PLEKHA5: variants seen among roughly 807,000 people sequenced by gnomAD.
PLEKHA5 encodes pleckstrin homology domain-containing family A member 5.
Under a neutral mutation model 181.9 loss-of-function variants are expected in PLEKHA5, and 55 were observed. The observed-to-expected ratio is 0.30, with a 90% CI of 0.24 to 0.38. The LOEUF (loss-of-function observed/expected upper bound fraction) is 0.38, where lower values mean the gene tolerates loss of function less well. Ranked by LOEUF, PLEKHA5 falls within the 10% of genes least tolerant of loss-of-function variation. PLEKHA5 has a pLI of 1.00. For synonymous variants in PLEKHA5, 535 were observed against 529.4 expected (o/e 1.01, Z -0.15); for missense variants, 1,432 against 1,549.5 (o/e 0.92, Z 1.27).
intron 3 of PLEKHA5, among the ~76,000 whole-genome samples, chr12:19,166,158 C>G (rs2044317862): frequency 6.6e-6 from 1 of 151,934 alleles, no homozygotes. Flanking sequence ...TTTCAATAAA[C>G]TGTGTGTGGG....
intron 17 of PLEKHA5, 98 bp downstream of exon 17, chr12:19,320,154 A>G: frequency 2.1e-6 from 1 of 467,056 alleles, no homozygotes; most frequent in Non-Finnish European, 3.7e-6. Flanking sequence ...GTGTGTGTTT[A>G]TGTATATACC....
rs559796154 is a variant in PLEKHA5, at chr12:19,359,469, C to G, written c.3406C>G (p.Pro1136Ala). Residue 1136 changes from proline (P) to alanine (A), a missense_variant, in exon 28 of 32, where the codon CCA (proline) becomes GCA (alanine). By Grantham distance (27) the Pro-to-Ala change is conservative (BLOSUM62 -1). Transcript: ENST00000429027. ...DTAIRENDVK[P>A]DHETPATEIV... ...TGCCATTAGAGAAAATGATGTAAAG[C>G]CAGACCATGAAACTCCTGCAACAGA... is the stretch of plus-strand genomic sequence containing the variant. 473 of 1,613,292 alleles carry G rather than the reference C, an allele frequency of 2.9e-4. 4 individuals carry two copies. In the Middle Eastern group the frequency reaches 4.1e-3, roughly 14 times the overall value.
At chr12:19,184,065 A>G (rs1345559871) in intron 3 of PLEKHA5, among the ~76,000 whole-genome samples, 1 of 152,172 alleles carries the variant, frequency 6.6e-6, no homozygotes, top group African/African-American at 2.4e-5. Flanking sequence ...TCTGGTGCCT[A>G]TGGATGGACT....
intron 10 of PLEKHA5, 51 bp from the exon 11 acceptor site, chr12:19,274,465 A>G (rs1474564013): frequency 1.6e-6 from 2 of 1,261,252 alleles, no homozygotes; most frequent in African/African-American, 1.5e-5. Context: ...CCCAGAAGTA[A>G]TATGTACATT....
At chr12:19,306,982 G>A (rs2084051414) in intron 15 of PLEKHA5, 3 of 1,438,964 alleles carry the variant, frequency 2.1e-6, no homozygotes, top group Admixed American at 1.7e-5. Context: ...TCAGACTGGC[G>A]CTGTTCCACC....
intron 3 of PLEKHA5, among the ~76,000 whole-genome samples, chr12:19,198,252 C>T (rs945139397): frequency 2.6e-5 from 4 of 152,100 alleles, no homozygotes; most frequent in African/African-American, 9.7e-5. Flanking sequence ...TAAGTCTAAC[C>T]CTAGTTGACT....
In PLEKHA5 at chr12:19,164,891, T is replaced by C. The variant is rs559231929; in HGVS notation, c.227+32441T>C. Among the ~76,000 whole-genome samples the C allele has an allele frequency of 5.9e-5, 9 of 152,304 alleles. No homozygotes were observed. The East Asian group carries it at 1.2e-3, about 20-fold the overall frequency. On this transcript the variant is annotated intron_variant, in intron 3 of 31. Transcript: ENST00000429027. ...TCTACTTGCGGATGTCACAGACTTA[T>C]CAATTGAAGATATTCCAAAGTAAAC...
chr12:19,283,572 A>G lies in PLEKHA5; in HGVS notation c.1606A>G (p.Met536Val), dbSNP rs370267036. The G allele has an allele frequency of 1.3e-5, 21 of 1,614,020 alleles. No homozygotes were observed. Among genetic ancestry groups the G allele is most frequent in the Non-Finnish European group, 1.7e-5 (20 of 1,180,028 alleles). Reference sequence around the variant, plus strand: ...CAGTACTTTGAGTAGTCCCAAAACCATGGTAAATATTTCTGACCAGACAAT... The same window carrying G: ...CAGTACTTTGAGTAGTCCCAAAACCGTGGTAAATATTTCTGACCAGACAAT... ...RHSTLSSPKT[M>V]VNISDQTMHS... The change falls in exon 12 of 32, where the codon ATG becomes GTG. Residue 536 changes from methionine to valine, a missense_variant. By Grantham distance (21) the Met-to-Val change is conservative. Transcript: ENST00000429027.
intron 3 of PLEKHA5, among the ~76,000 whole-genome samples, chr12:19,231,620 A>ATATATG (rs2060631713): frequency 8.2e-5 from 12 of 146,920 alleles, no homozygotes; most frequent in East Asian, 3.9e-4. Context: ...ATAAATACTC[A>ATATATG]TAAAGCTTGA....
In PLEKHA5 at chr12:19,322,377, TCCACAAGGAGAAA is replaced by T. The variant is rs2091084123; in HGVS notation, c.2286_2298del (p.His763ThrfsTer14). 1 of 1,611,114 alleles carries T rather than the reference TCCACAAGGAGAAA, an allele frequency of 6.2e-7. No individual in the cohort carries two copies. Among genetic ancestry groups the T allele is most frequent in the Non-Finnish European group, 8.5e-7 (1 of 1,177,464 alleles). Reference sequence around the variant, plus strand: ...GCTCTGGAAGAGAAACTTCAGCAACTCCACAAGGAGAAAGTAGGACAATTATGTTTATTGTCTA... The same window carrying T: ...GCTCTGGAAGAGAAACTTCAGCAACTGTAGGACAATTATGTTTATTGTCTA... On this transcript the variant is annotated frameshift_variant and splice_region_variant, in exon 19 of 32. Transcript: ENST00000429027. LOFTEE classifies it high-confidence loss of function.
intron 3 of PLEKHA5, among the ~76,000 whole-genome samples, chr12:19,246,225 G>T (rs1042417119): frequency 6.6e-6 from 1 of 151,600 alleles, no homozygotes; most frequent in Non-Finnish European, 1.5e-5. Context: ...TGATCCACCC[G>T]CCTTGGCCTC....
chr12:19,320,468 T>C (rs1345515957), intron 17 of PLEKHA5, 94 bp from the exon 18 acceptor site: 1 of 595,608 alleles, frequency 1.7e-6, no homozygotes, highest in Non-Finnish European at 2.9e-6. Flanking sequence ...TGTTATGTTA[T>C]ATATATTTAA....
chr12:19,308,104 AAAAG>A (rs1441879017), intron 15 of PLEKHA5, among the ~76,000 whole-genome samples: 1 of 152,114 alleles, frequency 6.6e-6, no homozygotes, highest in Non-Finnish European at 1.5e-5. Context: ...AGAGAGGAAA[AAAAG>A]AGAAGAAAGC....
chr12:19,133,872 CTAAAT>C (rs1316885440), intron 3 of PLEKHA5, among the ~76,000 whole-genome samples: 1 of 151,880 alleles, frequency 6.6e-6, no homozygotes, highest in East Asian at 1.9e-4. Context: ...TATTTCCATC[CTAAAT>C]TAAAGTGAGT....
Position 19,255,049 on chromosome 12 carries a change from G to T in PLEKHA5, c.316G>T (p.Val106Phe). The T allele has an allele frequency of 1.9e-6, 3 of 1,604,170 alleles. No individual in the cohort carries two copies. The highest frequency in any genetic ancestry group is 2.6e-6 in the Non-Finnish European group (3 of 1,173,610). The part of the protein sequence containing the change: ...NCIFVVNEQT[V>F]ATMTSEEKKE... ...CATTTTGACATATATTTTCAGGACT[G>T]TTGCAACCATGACATCTGAAGAAAA... The change falls in exon 5 of 32, where the codon GTT becomes TTT. Residue 106 changes from valine (V) to phenylalanine (F), a missense_variant. Val to Phe is a conservative substitution (Grantham distance 50). Coordinates refer to ENST00000429027, the MANE Select transcript of PLEKHA5 (RefSeq NM_001256470.2).
chr12:19,337,145 G>A lies in PLEKHA5; in HGVS notation c.2550+529G>A, dbSNP rs557178118. On this transcript the variant is annotated intron_variant, in intron 21 of 31. Coordinates refer to ENST00000429027, the MANE Select transcript of PLEKHA5 (RefSeq NM_001256470.2). Reference sequence around the variant, plus strand: ...TGGGATCACAGGCATGCACCACCAAGCCTTATTAGAATAGGGGAAGATACA... The same window carrying A: ...TGGGATCACAGGCATGCACCACCAAACCTTATTAGAATAGGGGAAGATACA... Among the ~76,000 whole-genome samples the A allele has an allele frequency of 9.9e-5, 15 of 151,784 alleles. No homozygotes were observed. The East Asian group carries it at 1.9e-3, about 20-fold the overall frequency.
intron 31 of PLEKHA5, among the ~76,000 whole-genome samples, chr12:19,374,981 TG>T (rs983981105): frequency 2.0e-5 from 3 of 151,236 alleles, no homozygotes; most frequent in African/African-American, 7.3e-5. Context: ...ATAATAATAA[TG>T]AAGAGAAGGA....
intron 6 of PLEKHA5, among the ~76,000 whole-genome samples, 164 bp from the exon 7 acceptor site, chr12:19,260,785 A>G (rs7960702): frequency 0.93 from 141,318 of 152,114 alleles, 66,188 homozygotes; most frequent in Non-Finnish European, 1. Flanking sequence ...GCTTGAACCC[A>G]GGAGGCAGAG....
intron 15 of PLEKHA5, among the ~76,000 whole-genome samples, chr12:19,301,514 C>T (rs1055335954): frequency 2.0e-5 from 3 of 152,026 alleles, no homozygotes; most frequent in African/African-American, 7.2e-5. Context: ...AAAATCAGAT[C>T]TGTAAAACTT....
Sources: allele counts gnomAD v4.1 joint callset (sites outside exome capture counted in the v4.1 genomes callset), GRCh38; gene constraint gnomAD v4.1.1; transcripts MANE v1.5; gene names NCBI Gene and HGNC (gene_info 2026-07-23, HGNC 2026-07-21).